Variants in BMPER observed in about 807,000 individuals in gnomAD.
BMPER encodes BMP binding endothelial regulator.
A neutral mutation model predicts 87.3 loss-of-function variants in BMPER; 45 were observed. The observed-to-expected ratio is 0.52, with a 90% CI of 0.41 to 0.66. The LOEUF is 0.66. Ranked by LOEUF, BMPER falls within the 30% of genes least tolerant of loss-of-function variation. BMPER has a pLI of 0.00. For synonymous variants in BMPER, 326 were observed against 316.2 expected (o/e 1.03, Z -0.33); for missense variants, 784 against 867.5 (o/e 0.90, Z 1.21).
intron 6 of BMPER, among the ~76,000 whole-genome samples, chr7:34,021,073 C>G (rs1438955461): frequency 6.6e-6 from 1 of 151,962 alleles, no homozygotes; most frequent in African/African-American, 2.4e-5. Flanking sequence ...AAAATCACTG[C>G]CTTGTAGAAG....
intron 10 of BMPER, 54 bp from the exon 11 acceptor site, chr7:34,061,948 C>CTGTT (rs1788446357): frequency 1.1e-6 from 1 of 917,656 alleles, no homozygotes; most frequent in African/African-American, 2.0e-5. Flanking sequence ...TCAGGAGACC[C>CTGTT]TGTTTTTTTT....
At chr7:34,133,289 G>C (rs958453746) in intron 13 of BMPER, among the ~76,000 whole-genome samples, 1 of 152,126 alleles carries the variant, frequency 6.6e-6, no homozygotes, top group Admixed American at 6.5e-5. Flanking sequence ...CCAATGGCTG[G>C]TGATATAATT....
chr7:34,123,373 A>T (rs1468363795), intron 13 of BMPER, among the ~76,000 whole-genome samples: 1 of 152,200 alleles, frequency 6.6e-6, no homozygotes, highest in Non-Finnish European at 1.5e-5. Flanking sequence ...ATCATGAATC[A>T]AGGACTCCTA....
At chr7:34,117,561 C>T (rs1790149132) in intron 13 of BMPER, among the ~76,000 whole-genome samples, 1 of 152,172 alleles carries the variant, frequency 6.6e-6, no homozygotes, top group African/African-American at 2.4e-5. Flanking sequence ...ATGCTCTCAA[C>T]CCCAAAACCT....
At chr7:34,129,638 A>AAGAG (rs1343734735) in intron 13 of BMPER, among the ~76,000 whole-genome samples, 1 of 120,620 alleles carries the variant, frequency 8.3e-6, no homozygotes, top group African/African-American at 3.7e-5. Flanking sequence ...GAGAGAAAGA[A>AAGAG]AGAAAGAAAG....
chr7:33,936,879 A>G (rs1784615518), intron 2 of BMPER, among the ~76,000 whole-genome samples: 9 of 152,232 alleles, frequency 5.9e-5, no homozygotes, highest in Admixed American at 5.9e-4. Context: ...TTGGACGGCC[A>G]TGTGAAAATA....
chr7:34,128,733 G>A (rs1300018130), intron 13 of BMPER, among the ~76,000 whole-genome samples: 1 of 152,148 alleles, frequency 6.6e-6, no homozygotes, highest in Admixed American at 6.5e-5. Context: ...TGAATAAAGG[G>A]CTGGAAGTTA....
chr7:33,905,940 C>CTGT (rs1258379999), intron 1 of BMPER, among the ~76,000 whole-genome samples, 194 bp downstream of exon 1: 2 of 152,212 alleles, frequency 1.3e-5, no homozygotes, highest in African/African-American at 2.4e-5. Flanking sequence ...GGCTGAGAGG[C>CTGT]TGTTGCCTTC....
intron 11 of BMPER, among the ~76,000 whole-genome samples, chr7:34,074,257 C>A (rs564727484): frequency 5.3e-5 from 8 of 152,288 alleles, no homozygotes; most frequent in Admixed American, 5.2e-4. Flanking sequence ...CACCCCCATA[C>A]ATGTTAGATT....
In BMPER at chr7:33,921,130, T is replaced by C. The variant is rs1355087667; in HGVS notation, c.219+14227T>C. 2.0e-5 allele frequency among the ~76,000 whole-genome samples: 3 copies of C among 152,350 alleles called. No homozygotes were observed. In the East Asian group the frequency reaches 5.8e-4, roughly 29 times the overall value. On this transcript the variant is annotated intron_variant, in intron 2 of 14. Coordinates refer to ENST00000649409, the MANE Select transcript of BMPER (RefSeq NM_001365308.1). The stretch of plus-strand genomic sequence containing the variant: ...TACTCCTCTCTCCTCTAGATTTTTA[T>C]TGATTAGTTACATGACTTTCTCTTC...
At chr7:34,065,665 A>G (rs1240918554) in intron 11 of BMPER, among the ~76,000 whole-genome samples, 1 of 152,208 alleles carries the variant, frequency 6.6e-6, no homozygotes, top group African/African-American at 2.4e-5. Context: ...CTAACCCTGC[A>G]AAAAATTATG....
intron 14 of BMPER, among the ~76,000 whole-genome samples, chr7:34,149,351 A>G (rs1791112489): frequency 6.6e-6 from 1 of 152,226 alleles, no homozygotes; most frequent in Admixed American, 6.5e-5. Flanking sequence ...AAATAAGCAA[A>G]TAACTATAAC....
At chr7:34,000,105 C>T (rs1331983206) in intron 6 of BMPER, among the ~76,000 whole-genome samples, 2 of 152,106 alleles carry the variant, frequency 1.3e-5, no homozygotes, top group Non-Finnish European at 2.9e-5. Flanking sequence ...ACGTAATAAT[C>T]ACATGTCGAG....
intron 11 of BMPER, among the ~76,000 whole-genome samples, chr7:34,064,117 C>G (rs1236971581): frequency 6.6e-6 from 1 of 152,154 alleles, no homozygotes; most frequent in African/African-American, 2.4e-5. Flanking sequence ...AAGGTAAAAC[C>G]CCATTTCTAC....
intron 11 of BMPER, among the ~76,000 whole-genome samples, chr7:34,064,808 C>T (rs1036333128): frequency 4.6e-5 from 7 of 152,214 alleles, no homozygotes; most frequent in Non-Finnish European, 1.0e-4. Context: ...GTTCTTCCAT[C>T]ATTGCTGTAA....
intron 13 of BMPER, among the ~76,000 whole-genome samples, chr7:34,090,441 G>A (rs1039535482): frequency 2.0e-5 from 3 of 152,060 alleles, no homozygotes; most frequent in Non-Finnish European, 4.4e-5. Flanking sequence ...TGCCAACCGA[G>A]CAATCCAAGA....
intron 6 of BMPER, among the ~76,000 whole-genome samples, chr7:34,014,602 A>G (rs1272834908): frequency 6.6e-6 from 1 of 151,762 alleles, no homozygotes; most frequent in Non-Finnish European, 1.5e-5. Context: ...AGGACCGTGG[A>G]GTGTGGAATT....
At chr7:33,961,930 A>G (rs1022243410) in intron 3 of BMPER, among the ~76,000 whole-genome samples, 3 of 152,172 alleles carry the variant, frequency 2.0e-5, no homozygotes, top group African/African-American at 7.2e-5. Context: ...TAAGTTATTC[A>G]TAATGGTAAG....
chr7:33,969,185 G>T (rs905012298), intron 4 of BMPER, among the ~76,000 whole-genome samples: 2 of 152,082 alleles, frequency 1.3e-5, no homozygotes, highest in Non-Finnish European at 2.9e-5. Context: ...TTGTTAATTT[G>T]TTATATTTGT....
Sources: allele counts gnomAD v4.1 joint callset (sites outside exome capture counted in the v4.1 genomes callset), GRCh38; gene constraint gnomAD v4.1.1; transcripts MANE v1.5; gene names NCBI Gene and HGNC (gene_info 2026-07-23, HGNC 2026-07-21).